The following KIF24 variants were observed in gnomAD, a reference collection of about 807,000 sequenced individuals.
KIF24 encodes the protein kinesin family member 24.
Under a neutral mutation model 118.9 loss-of-function variants are expected in KIF24, and 81 were observed. The observed-to-expected ratio is 0.68, with a 90% CI of 0.57 to 0.82. KIF24 has a LOEUF of 0.82. Among genes scored for constraint, KIF24 ranks in the 40% least tolerant of loss-of-function variants. The probability of loss-of-function intolerance (pLI) is 0.00; values close to 1 mark genes in which losing one functional copy is unlikely to be tolerated. For synonymous variants in KIF24, 599 were observed against 610.0 expected (o/e 0.98, Z 0.27); for missense variants, 1,560 against 1,661.6 (o/e 0.94, Z 1.06).
rs1471024088 is a variant in KIF24 at position 34,318,383 on chromosome 9, C to T, written c.-25-7012G>A. 8.3e-6 allele frequency: 5 copies of T among 600,434 alleles called. 1 individual carries two copies. The allele number at this position is 600,434 out of a possible 1,614,324, so 37.2% of individuals were successfully genotyped here. A position where few individuals can be genotyped will look rare whatever the true frequency, so the allele number is the denominator to read the frequency against. The stretch of plus-strand genomic sequence containing the variant: ...TAGCCCTGACAGGTCCATCGTGGTG[C>T]ACGCAAACCACCTCCCAGCCACGCG... On this transcript the variant is annotated intron_variant, in intron 1 of 12. Coordinates refer to ENST00000402558, the MANE Select transcript of KIF24 (RefSeq NM_194313.4). The surrounding 1 kb of genome is among the most constrained non-coding windows in gnomAD (Gnocchi z 4.9).
intron 6 of KIF24, among the ~76,000 whole-genome samples, chr9:34,280,263 G>A (rs538951205): frequency 8.9e-5 from 10 of 112,270 alleles, no homozygotes; most frequent in African/African-American, 1.7e-4. Context: ...CAACCTGGGC[G>A]ACAGGGCGAG....
chr9:34,330,032 C>T (rs769472852), upstream of KIF24, among the ~76,000 whole-genome samples: 1 of 152,228 alleles, frequency 6.6e-6, no homozygotes, highest in Non-Finnish European at 1.5e-5. Context: ...TGGATAATAT[C>T]GTGGCAGTTA....
rs1200403299 is a variant in KIF24, at chr9:34,318,456, C to T, written c.-25-7085G>A. 1.4e-5 allele frequency: 10 copies of T among 740,102 alleles called. No individual in the cohort carries two copies. Among genetic ancestry groups the T allele is most frequent in the East Asian group, 7.8e-5 (3 of 38,242 alleles). The allele number at this position is 740,102 out of a possible 1,614,324, so 45.8% of individuals were successfully genotyped here. ...TTCTGCCTCCTGGCGGTGGCCTTGG[C>T]GACCGAGGTGAAGAAACCTGCAGCC... On this transcript the variant is annotated intron_variant, in intron 1 of 12. Coordinates refer to ENST00000402558, the MANE Select transcript of KIF24 (RefSeq NM_194313.4). This position sits in a 1 kb window ranked among gnomAD's most constrained non-coding sequence, Gnocchi z 4.9.
chr9:34,257,159 A>T lies in KIF24; in HGVS notation c.2448T>A (p.Asp816Glu). Residue 816 changes from aspartate to glutamate, a missense_variant, in exon 11 of 13, where the codon GAT becomes GAA. Around this residue, in one of 3 missense-constraint regions of KIF24, gnomAD observed 964 missense variants for 988.0 expected, o/e 0.98. Coordinates refer to ENST00000402558, the MANE Select transcript of KIF24 (RefSeq NM_194313.4). ...CATCAAGTTCCTCTACTTGGGCTCC[A>T]TCATGGTTTTCAGAGTAAGAGTGGA... ...PLFHSYSENH[D>E]GAQVEELDDS... 6.2e-7 allele frequency: 1 copy of T among 1,614,018 alleles called. No individual in the cohort carries two copies. The highest frequency in any genetic ancestry group is 8.5e-7 in the Non-Finnish European group (1 of 1,179,892).
intron 6 of KIF24, among the ~76,000 whole-genome samples, chr9:34,285,022 G>A (rs1054211358): frequency 6.0e-5 from 9 of 151,230 alleles, no homozygotes; most frequent in Non-Finnish European, 1.2e-4. Flanking sequence ...CCCAGAACAG[G>A]AAAAAAAAAT....
At chr9:34,283,693 G>A (rs113854534) in intron 6 of KIF24, among the ~76,000 whole-genome samples, 2 of 151,962 alleles carry the variant, frequency 1.3e-5, no homozygotes, top group African/African-American at 4.8e-5. Context: ...TATACAAATC[G>A]ACAAGGAAAA....
chr9:34,311,296 A>C lies in KIF24; in HGVS notation c.51T>G (p.Tyr17Ter). ...GGCCAAGGGCAGTGAAATGAGAATA[A>C]TACTGTGCAAGTTCAGCTTCACAAA... ...ECLCEAELAQ[Y>*]YSHFTALGLQ... Residue 17 changes from tyrosine (Y) to a stop codon, truncating the protein, a stop_gained, in exon 2 of 13, where the codon TAT (tyrosine) becomes TAG (stop). Coordinates refer to ENST00000402558, the MANE Select transcript of KIF24 (RefSeq NM_194313.4). LOFTEE classifies it high-confidence loss of function. The C allele has an allele frequency of 2.5e-6, 4 of 1,605,214 alleles. No homozygotes were observed. The South Asian group carries it at 4.5e-5, about 18-fold the overall frequency.
intron 6 of KIF24, among the ~76,000 whole-genome samples, chr9:34,276,116 A>C (rs561768746): frequency 6.6e-5 from 10 of 152,240 alleles, no homozygotes; most frequent in Non-Finnish European, 1.5e-4. Context: ...AATTAAGAAT[A>C]ATGAGGCTGG....
chr9:34,301,987 A>ATTTTTTTCTTCTTCTTTTTTTTTTT (rs1836726081), intron 3 of KIF24, among the ~76,000 whole-genome samples: 1 of 72,474 alleles, frequency 1.4e-5, no homozygotes, highest in Non-Finnish European at 4.3e-5. Context: ...CTATATATGT[A>ATTTTTTTCTTCTTCTTTTTTTTTTT]TTTTTTTTTC....
rs974572891 is a variant in KIF24 at position 34,253,452 on chromosome 9, G to A, written c.*928C>T. On this transcript the variant is annotated 3_prime_UTR_variant, in exon 13 of 13. Transcript: ENST00000402558. ...AATTCTGTTTCAGAGGCCTCAGACT[G>A]TTGAACAGAGCACTCTGTTCAACTG... 1.3e-5 allele frequency: 2 copies of A among 152,224 alleles called. No individual in the cohort carries two copies. The highest frequency in any genetic ancestry group is 4.8e-5 in the African/African-American group (2 of 41,440). The allele number at this position is 152,224 out of a possible 1,614,324, so 9.4% of individuals were successfully genotyped here.
At chr9:34,290,941 AAAC>A (rs778656457) in intron 4 of KIF24, among the ~76,000 whole-genome samples, 4 of 152,150 alleles carry the variant, frequency 2.6e-5, no homozygotes, top group Non-Finnish European at 5.9e-5. Context: ...CCAGTAAGAG[AAAC>A]AACTCTAGAA....
upstream of KIF24, among the ~76,000 whole-genome samples, chr9:34,331,268 G>C (rs980560036): frequency 2.6e-5 from 4 of 152,144 alleles, no homozygotes; most frequent in Non-Finnish European, 5.9e-5. Context: ...GAAGCTTTTT[G>C]ATGATCTTTT....
chr9:34,309,295 A>G (rs545622735), intron 2 of KIF24, among the ~76,000 whole-genome samples: 32 of 152,158 alleles, frequency 2.1e-4, no homozygotes, highest in Non-Finnish European at 2.8e-4. Context: ...TAATCCCAGC[A>G]TTTTGGGAGG....
At position 34,255,869 on chromosome 9, in the gene KIF24, G is replaced by C. The variant is rs539215413; in HGVS notation, c.3738C>G (p.Cys1246Trp). Residue 1246 changes from cysteine (C) to tryptophan (W), a missense_variant, in exon 11 of 13, where the codon TGC becomes TGG. Physicochemically the swap from Cys to Trp is radical, Grantham distance 215 (BLOSUM62 -2). Transcript: ENST00000402558. ...TGAGCCATGTGACATTTTCACTGTT[G>C]CAGGGCAACTTGATGGGGTCTGTGG... ...GLSTDPIKLP[C>W]NSENVTWLKP... 7.4e-6 allele frequency: 12 copies of C among 1,614,004 alleles called. No homozygotes were observed. In the African/African-American group the frequency reaches 1.5e-4, roughly 20 times the overall value.
chr9:34,320,345 A>G (rs1230249574), intron 1 of KIF24, among the ~76,000 whole-genome samples: 3 of 151,160 alleles, frequency 2.0e-5, no homozygotes, highest in East Asian at 1.9e-4. Flanking sequence ...AAAAAAAAAA[A>G]AAAGAAAAAG....
chr9:34,285,355 C>T (rs1375673590), intron 6 of KIF24, among the ~76,000 whole-genome samples: 1 of 151,994 alleles, frequency 6.6e-6, no homozygotes, highest in Non-Finnish European at 1.5e-5. Flanking sequence ...GGGCCAGGTG[C>T]GGTGGCTCAC....
chr9:34,281,987 T>C (rs1835866147), intron 6 of KIF24, among the ~76,000 whole-genome samples: 1 of 152,138 alleles, frequency 6.6e-6, no homozygotes, highest in Admixed American at 6.6e-5. Flanking sequence ...GAAAACAGTG[T>C]GGCATTTCCT....
In KIF24 at chr9:34,311,162, T is replaced by G. The variant is rs563086725; in HGVS notation, c.185A>C (p.Lys62Thr). 1.9e-6 allele frequency: 3 copies of G among 1,613,538 alleles called. No homozygotes were observed. The highest frequency in any genetic ancestry group is 2.7e-5 in the African/African-American group (2 of 75,034). The change falls in exon 2 of 13, where the codon AAG (lysine) becomes ACG (threonine). Residue 62 changes from lysine (K) to threonine (T), a missense_variant. Lys to Thr is a moderately conservative substitution (Grantham distance 78, BLOSUM62 -1). Transcript: ENST00000402558. The part of the protein sequence containing the change: ...KRLFQLIKII[K>T]IMQEEDKAVS... The stretch of plus-strand genomic sequence containing the variant: ...TGCTTTATCTTCTTCTTGCATAATC[T>G]TAATAATTTTGATAAGTTGGAAGAG...
intron 7 of KIF24, 136 bp downstream of exon 7, chr9:34,271,673 G>A (rs1368806112): frequency 3.5e-6 from 3 of 854,888 alleles, no homozygotes; most frequent in Admixed American, 3.0e-5. Flanking sequence ...ATTTATTTCA[G>A]GGCTAACAAC....
Sources: allele counts gnomAD v4.1 joint callset (sites outside exome capture counted in the v4.1 genomes callset), GRCh38; gene constraint gnomAD v4.1.1; regional missense constraint gnomAD v4.1.1; non-coding constraint Gnocchi (gnomAD v3.1); transcripts MANE v1.5; gene names NCBI Gene and HGNC (gene_info 2026-07-23, HGNC 2026-07-21).